NPRL3: variants seen among roughly 807,000 people sequenced by gnomAD.
The protein encoded by NPRL3 is GATOR1 complex protein NPRL3.
Under a neutral mutation model 57.2 loss-of-function variants are expected in NPRL3, and 23 were observed. The observed-to-expected ratio is 0.40, with a 90% CI of 0.29 to 0.57. The LOEUF (loss-of-function observed/expected upper bound fraction) is 0.57, where lower values mean the gene tolerates loss of function less well. Among genes scored for constraint, NPRL3 ranks in the 20% least tolerant of loss-of-function variants. The probability of loss-of-function intolerance (pLI) is 0.42; values close to 1 mark genes in which losing one functional copy is unlikely to be tolerated. For synonymous variants in NPRL3, 333 were observed against 321.1 expected (o/e 1.04, Z -0.39); for missense variants, 691 against 767.1 (o/e 0.90, Z 1.17).
Position 85,412 on chromosome 16 carries a change from T to C in NPRL3, c.*1293A>G, listed in dbSNP as rs780654126. On this transcript the variant is annotated 3_prime_UTR_variant, in exon 14 of 14. Transcript: ENST00000611875. ...TGTCCGTCCCACAGGGGACGGGGCT[T>C]GCGTCTTGCTGCGAGCACTGGAGCC... is the stretch of plus-strand genomic sequence containing the variant. The C allele has an allele frequency of 8.7e-6, 14 of 1,606,580 alleles. No individual in the cohort carries two copies. In the South Asian group the frequency reaches 1.3e-4, roughly 15 times the overall value.
intron 3 of NPRL3, chr16:124,959 C>G (rs982424518): frequency 6.5e-6 from 1 of 153,054 alleles, no homozygotes; most frequent in Admixed American, 6.6e-5. Context: ...TGCCTGTAAT[C>G]CCAGCTACTC....
chr16:103,296 A>AGTTTTTTTTTTTTT (rs1899380401), intron 7 of NPRL3, among the ~76,000 whole-genome samples: 1 of 42,110 alleles, frequency 2.4e-5, no homozygotes, highest in Non-Finnish European at 4.1e-5. Context: ...GCCTGGGGTG[A>AGTTTTTTTTTTTTT]TTTTTTTTTT....
chr16:93,879 C>T (rs943293161), intron 9 of NPRL3, among the ~76,000 whole-genome samples: 1 of 152,174 alleles, frequency 6.6e-6, no homozygotes, highest in African/African-American at 2.4e-5. Context: ...CTTTTTGTCA[C>T]TGCTCCCTGT....
At chr16:136,692 A>G (rs1901101692) in intron 2 of NPRL3, among the ~76,000 whole-genome samples, 2 of 151,586 alleles carry the variant, frequency 1.3e-5, no homozygotes, top group South Asian at 4.2e-4. Flanking sequence ...CGTCTCAAAA[A>G]AAAAAAAAAA....
Position 85,430 on chromosome 16 carries a change from C to T in NPRL3, c.*1275G>A. On this transcript the variant is annotated 3_prime_UTR_variant, in exon 14 of 14. Transcript: ENST00000611875. ...CGGGGCTTGCGTCTTGCTGCGAGCA[C>T]TGGAGCCCCTGGAAGGTCTGGAGAC... 2.5e-6 allele frequency: 4 copies of T among 1,610,996 alleles called. No individual in the cohort carries two copies. Among genetic ancestry groups the T allele is most frequent in the Non-Finnish European group, 3.4e-6 (4 of 1,178,744 alleles).
intron 5 of NPRL3, among the ~76,000 whole-genome samples, chr16:114,026 G>C (rs1899926564): frequency 6.6e-6 from 1 of 152,334 alleles, no homozygotes; most frequent in Non-Finnish European, 1.5e-5. Flanking sequence ...CTTGGGACCA[G>C]AGGGCTGACA....
At chr16:100,317 G>C in intron 8 of NPRL3, 55 bp downstream of exon 8, 1 of 1,407,864 alleles carries the variant, frequency 7.1e-7, no homozygotes, top group Admixed American at 2.9e-5. Context: ...ATCTCAGGCA[G>C]AAGCTAAAGG....
intron 2 of NPRL3, among the ~76,000 whole-genome samples, chr16:137,731 T>C (rs1901174762): frequency 6.6e-6 from 1 of 151,762 alleles, no homozygotes; most frequent in South Asian, 2.1e-4. Flanking sequence ...TTTTTTTTTA[T>C]TTTTATTTTT....
chr16:93,604 G>A (rs902316114), intron 9 of NPRL3, among the ~76,000 whole-genome samples: 10 of 143,206 alleles, frequency 7.0e-5, no homozygotes, highest in African/African-American at 1.6e-4. Flanking sequence ...TTGCTCTGTC[G>A]CCCAGGCTGG....
At chr16:104,344 A>C (rs2141934127) in intron 7 of NPRL3, among the ~76,000 whole-genome samples, 1 of 152,276 alleles carries the variant, frequency 6.6e-6, no homozygotes, top group South Asian at 2.1e-4. Context: ...TTGTAATCAA[A>C]TTGTATGGAG....
intron 7 of NPRL3, among the ~76,000 whole-genome samples, chr16:106,033 G>A (rs370401597): frequency 2.0e-5 from 3 of 152,220 alleles, no homozygotes; most frequent in Admixed American, 6.5e-5. Flanking sequence ...ACTGGGGACC[G>A]GACGTGGTGG....
chr16:100,596 T>G, intron 7 of NPRL3, 87 bp from the exon 8 acceptor site: 1 of 1,266,394 alleles, frequency 7.9e-7, no homozygotes, highest in Non-Finnish European at 1.0e-6. Flanking sequence ...ATGGTGCTGA[T>G]TCCCCTGCTG....
At chr16:101,034 G>C in intron 7 of NPRL3, among the ~76,000 whole-genome samples, 1 of 146,000 alleles carries the variant, frequency 6.8e-6, no homozygotes, top group Non-Finnish European at 1.5e-5. Context: ...TTTCTGGCTA[G>C]CCCTGGAATC....
intron 5 of NPRL3, among the ~76,000 whole-genome samples, chr16:113,313 C>T (rs958203512): frequency 6.6e-6 from 1 of 152,188 alleles, no homozygotes; most frequent in East Asian, 1.9e-4. Flanking sequence ...GGCACCAGGC[C>T]AATTGTTCAC....
At chr16:111,215 C>T (rs939095044) in intron 6 of NPRL3, among the ~76,000 whole-genome samples, 4 of 151,596 alleles carry the variant, frequency 2.6e-5, no homozygotes, top group African/African-American at 7.3e-5. Flanking sequence ...CTGGCTAACA[C>T]GGTGAAAACC....
At chr16:111,125 C>T (rs996278115) in intron 6 of NPRL3, among the ~76,000 whole-genome samples, 3 of 152,134 alleles carry the variant, frequency 2.0e-5, no homozygotes, top group African/African-American at 2.4e-5. Flanking sequence ...GGTAACCGGG[C>T]GCGGTGGCTC....
Position 89,766 on chromosome 16 carries a change from C to G in NPRL3, c.1298G>C (p.Arg433Pro), listed in dbSNP as rs781225056. The G allele has an allele frequency of 1.9e-6, 3 of 1,598,884 alleles. No individual in the cohort carries two copies. Among genetic ancestry groups the G allele is most frequent in the Admixed American group, 3.4e-5 (2 of 57,984 alleles). ...PREDDVPFTA[R>P]VGGRSLSTPN... ...CGTGCTGAGGCTGCGACCGCCGACCCGGGCAGTGAAGGGGACGTCGTCCTC... is the reference window on the plus strand; with the variant it reads ...CGTGCTGAGGCTGCGACCGCCGACCGGGGCAGTGAAGGGGACGTCGTCCTC... The change falls in exon 12 of 14, where the codon CGG becomes CCG. Residue 433 changes from arginine to proline, a missense_variant. By Grantham distance (103) the Arg-to-Pro change is moderately radical. Transcript: ENST00000611875.
intron 6 of NPRL3, 112 bp downstream of exon 6, chr16:112,510 C>T (rs1385282726): frequency 9.7e-6 from 11 of 1,132,676 alleles, no homozygotes; most frequent in African/African-American, 3.1e-5. Context: ...GGTGAGGCCC[C>T]GCCAACATCT....
chr16:110,631 T>G, intron 6 of NPRL3, 25 bp from the exon 7 acceptor site: 1 of 1,580,098 alleles, frequency 6.3e-7, no homozygotes, highest in East Asian at 2.3e-5. Flanking sequence ...ACACAAGATT[T>G]ACAGCTCCCG....
Sources: gnomAD v4.1 joint callset for allele counts (sites outside exome capture counted in the v4.1 genomes callset) on GRCh38, gnomAD v4.1.1 for gene constraint, MANE v1.5 for transcripts, NCBI Gene and HGNC (gene_info 2026-07-23, HGNC 2026-07-21) for gene names.